Variants in CFAP61 observed in about 807,000 individuals in gnomAD.
The protein encoded by CFAP61 is cilia- and flagella-associated protein 61.
In CFAP61, 107 loss-of-function variants were observed where a neutral mutation model predicts 135.6. The ratio of observed to expected loss-of-function variants is 0.79; its 90% confidence interval spans 0.67 to 0.93. CFAP61 has a LOEUF of 0.93. Ranked by LOEUF, CFAP61 falls within the 40% of genes least tolerant of loss-of-function variation. CFAP61 has a pLI of 0.00. For missense variants in CFAP61, 1,507 were observed against 1,556.2 expected, an observed-to-expected ratio of 0.97 and a Z score of 0.53; for synonymous variants, 575 against 578.5, an observed-to-expected ratio of 0.99 and a Z score of 0.09.
At chr20:20,146,726 T>C (rs1200426478) in intron 9 of CFAP61, among the ~76,000 whole-genome samples, 1 of 152,232 alleles carries the variant, frequency 6.6e-6, no homozygotes, top group East Asian at 1.9e-4. Context: ...GAGAAAACTT[T>C]TGTTAGTTGT....
At chr20:20,155,675 A>G (rs926600311) in intron 9 of CFAP61, among the ~76,000 whole-genome samples, 2 of 152,186 alleles carry the variant, frequency 1.3e-5, no homozygotes, top group South Asian at 2.1e-4. Context: ...AAAATGCTCA[A>G]CACCACTAAT....
At chr20:20,150,658 C>G (rs946669026) in intron 9 of CFAP61, among the ~76,000 whole-genome samples, 1 of 152,192 alleles carries the variant, frequency 6.6e-6, no homozygotes, top group Admixed American at 6.5e-5. Context: ...CTACTTCACT[C>G]CCCTGCCACC....
chr20:20,225,110 G>A (rs1203404183), intron 17 of CFAP61, among the ~76,000 whole-genome samples: 2 of 151,946 alleles, frequency 1.3e-5, no homozygotes, highest in Admixed American at 1.3e-4. Flanking sequence ...AAAATATTCT[G>A]CTTTCATTAA....
intron 14 of CFAP61, 58 bp from the exon 15 acceptor site, chr20:20,191,284 A>T: frequency 1.4e-6 from 2 of 1,440,626 alleles, no homozygotes; most frequent in East Asian, 2.3e-5. Flanking sequence ...TTGCCTGCTT[A>T]CAAAAACATT....
intron 25 of CFAP61, 72 bp from the exon 26 acceptor site, chr20:20,341,759 A>C: frequency 1.9e-6 from 2 of 1,078,384 alleles, no homozygotes; most frequent in East Asian, 4.8e-5. Context: ...TAAAGGCAAA[A>C]AAGCAGGTAA....
At chr20:20,243,843 C>T (rs548381662) in intron 18 of CFAP61, among the ~76,000 whole-genome samples, 1 of 152,146 alleles carries the variant, frequency 6.6e-6, no homozygotes, top group Non-Finnish European at 1.5e-5. Context: ...AAATCAAAAG[C>T]AAGTTAGCTA....
chr20:20,352,710 C>T, intron 26 of CFAP61, among the ~76,000 whole-genome samples: 1 of 152,156 alleles, frequency 6.6e-6, no homozygotes, highest in Non-Finnish European at 1.5e-5. Context: ...AAGACTTAAA[C>T]ATAAGACCGG....
rs1281235113 is a variant in CFAP61, at chr20:20,200,913, G to A, written c.1932+1011G>A. On this transcript the variant is annotated intron_variant, in intron 17 of 26. Transcript: ENST00000245957. ...GCGGGTGCACTGAGGGATGGGGAGG[G>A]CACCTCCATCAGACCAACTCAGAGG... is the stretch of plus-strand genomic sequence containing the variant. 1.2e-5 allele frequency: 12 copies of A among 985,250 alleles called. No homozygotes were observed. In the African/African-American group the frequency reaches 1.9e-4, roughly 16 times the overall value. The allele number at this position is 985,250 out of a possible 1,614,324, so 61.0% of individuals were successfully genotyped here.
chr20:20,175,669 G>C (rs947504230), intron 13 of CFAP61, among the ~76,000 whole-genome samples: 1 of 150,144 alleles, frequency 6.7e-6, no homozygotes, highest in African/African-American at 2.5e-5. Context: ...TGGGACTACA[G>C]GTGCCCACCA....
chr20:20,204,279 A>G (rs566010100), intron 17 of CFAP61, among the ~76,000 whole-genome samples: 11 of 152,150 alleles, frequency 7.2e-5, no homozygotes, highest in African/African-American at 2.7e-4. Context: ...TCAACTAATG[A>G]ATTCTTTGGA....
chr20:20,113,178 G>A (rs1185066058), intron 8 of CFAP61, among the ~76,000 whole-genome samples: 1 of 152,116 alleles, frequency 6.6e-6, no homozygotes, highest in Middle Eastern at 3.2e-3. Flanking sequence ...GTTAAATATA[G>A]CTTACTATGA....
At chr20:20,134,914 A>G (rs1340219686) in intron 8 of CFAP61, among the ~76,000 whole-genome samples, 1 of 152,168 alleles carries the variant, frequency 6.6e-6, no homozygotes, top group Non-Finnish European at 1.5e-5. Flanking sequence ...AGTAGACAGA[A>G]AAATGGCCTC....
At chr20:20,327,947 CG>C (rs2057828804) in intron 25 of CFAP61, among the ~76,000 whole-genome samples, 1 of 152,140 alleles carries the variant, frequency 6.6e-6, no homozygotes, top group Non-Finnish European at 1.5e-5. Context: ...TCATCTGCCC[CG>C]GGTGAGCACC....
intron 8 of CFAP61, among the ~76,000 whole-genome samples, chr20:20,107,243 A>C (rs924921157): frequency 6.6e-6 from 1 of 152,226 alleles, no homozygotes; most frequent in Non-Finnish European, 1.5e-5. Context: ...GGCAACAAAC[A>C]AAGGAAAATT....
Position 20,290,350 on chromosome 20 carries a change from A to G in CFAP61, c.3175A>G (p.Ile1059Val). Reference sequence around the variant, plus strand: ...TTATCTGCATATTGCCAAGCCTGCCATTCCAACTCCCTTGGAGGTACAAAT... The same window carrying G: ...TTATCTGCATATTGCCAAGCCTGCCGTTCCAACTCCCTTGGAGGTACAAAT... ...YHYLHIAKPA[I>V]PTPLEVQMAQ... The change falls in exon 24 of 27, where the codon ATT becomes GTT. Residue 1059 changes from isoleucine to valine, a missense_variant. Ile to Val is a conservative substitution (Grantham distance 29, BLOSUM62 3). Transcript: ENST00000245957. The G allele has an allele frequency of 1.2e-6, 2 of 1,613,606 alleles. No homozygotes were observed. Among genetic ancestry groups the G allele is most frequent in the African/African-American group, 1.3e-5 (1 of 75,060 alleles).
At chr20:20,322,245 T>A (rs1008174631) in intron 25 of CFAP61, among the ~76,000 whole-genome samples, 5 of 152,256 alleles carry the variant, frequency 3.3e-5, no homozygotes, top group African/African-American at 1.2e-4. Flanking sequence ...GTAAGCATAA[T>A]AAAATGGCTG....
chr20:20,161,729 T>G (rs1387534889), intron 10 of CFAP61, among the ~76,000 whole-genome samples: 1 of 152,154 alleles, frequency 6.6e-6, no homozygotes, highest in Non-Finnish European at 1.5e-5. Context: ...AAATGACTAT[T>G]CTCTAGAGAA....
At chr20:20,168,279 G>A (rs761138060) in intron 12 of CFAP61, among the ~76,000 whole-genome samples, 8 of 152,182 alleles carry the variant, frequency 5.3e-5, no homozygotes, top group East Asian at 1.9e-4. Flanking sequence ...CCCAGGCTGG[G>A]CTCGAACTCC....
intron 24 of CFAP61, among the ~76,000 whole-genome samples, chr20:20,294,785 G>A (rs1047881651): frequency 4.6e-5 from 7 of 151,122 alleles, no homozygotes; most frequent in Admixed American, 1.3e-4. Context: ...AAAATTAGCC[G>A]GGCGCGGTGG....
Sources: gnomAD v4.1 joint callset for allele counts (sites outside exome capture counted in the v4.1 genomes callset) on GRCh38, gnomAD v4.1.1 for gene constraint, MANE v1.5 for transcripts, NCBI Gene and HGNC (gene_info 2026-07-23, HGNC 2026-07-21) for gene names.